Variants in GPS2 observed in about 807,000 individuals in gnomAD.
GPS2 encodes the protein GPS-2.
GPS2 carries 22 observed loss-of-function variants against 48.1 expected under a neutral mutation model. The observed-to-expected ratio is 0.46, with a 90% confidence interval of 0.33 to 0.65. The LOEUF (loss-of-function observed/expected upper bound fraction) is 0.65. Among genes scored for constraint, GPS2 ranks in the 30% least tolerant of loss-of-function variants. GPS2 has a pLI of 0.03. For missense variants in GPS2, 366 were observed against 406.8 expected (o/e 0.90, Z 0.86); for synonymous variants, 202 against 142.5 (o/e 1.42, Z -2.98).
rs754102368 is a variant in GPS2, at chr17:7,314,051, T to C, written c.397+29A>G. On this transcript the variant is annotated intron_variant, in intron 5 of 10. Coordinates refer to ENST00000380728, the MANE Select transcript of GPS2 (RefSeq NM_004489.5). ...AGGCTGTGACCTCCAAGAAGGCCGG[T>C]TCCATCTGGTGGTTTCTTTAGTCCT... 4 of 1,611,128 alleles carry C rather than the reference T, an allele frequency of 2.5e-6. No individual in the cohort carries two copies. In the South Asian group the frequency reaches 3.3e-5, roughly 13 times the overall value.
In GPS2 at chr17:7,314,972, C is replaced by T; in HGVS notation, c.81G>A (p.Glu27=). ...GCCCCGGCTCACCCTGCCGCTTGCGCTCCCGCTCCATCATAATGTGCCGGT... is the reference window on the plus strand; with the variant it reads ...GCCCCGGCTCACCCTGCCGCTTGCGTTCCCGCTCCATCATAATGTGCCGGT... ...ALHRHIMMER[E]RKRQEEEEVD... Residue 27 remains glutamate, a synonymous_variant, in exon 2 of 11, where the codon GAG becomes GAA. Transcript: ENST00000380728. 1 of 1,590,900 alleles carries T rather than the reference C, an allele frequency of 6.3e-7. No homozygotes were observed. Among genetic ancestry groups the T allele is most frequent in the Non-Finnish European group, 8.6e-7 (1 of 1,169,402 alleles).
At chr17:7,315,144 G>A (rs1465362825) in intron 1 of GPS2, 25 bp from the exon 2 acceptor site, 6 of 956,994 alleles carry the variant, frequency 6.3e-6, no homozygotes, top group Admixed American at 3.9e-5. Flanking sequence ...GCGCTCAGAG[G>A]GGGCCGCGCC....
In GPS2 at chr17:7,313,230, C is replaced by T; in HGVS notation, c.786G>A (p.Gln262=). The change falls in exon 9 of 11, where the codon CAG becomes CAA. Residue 262 remains glutamine (Q), a synonymous_variant. Transcript: ENST00000380728. ...TACTCACTGAGTCGGAGAAGCCAGT[C>T]TGCTGGTTAGCATGTTCCATCTGCT... ...LQKQMEHANQ[Q]TGFSDSSSLR... is the part of the protein sequence containing the mutation. 6.2e-7 allele frequency: 1 copy of T among 1,614,194 alleles called. No individual in the cohort carries two copies. The highest frequency in any genetic ancestry group is 1.1e-5 in the South Asian group (1 of 91,082).
In GPS2 at chr17:7,313,583, T is replaced by C; in HGVS notation, c.619A>G (p.Ser207Gly). 1 of 1,614,008 alleles carries C rather than the reference T, an allele frequency of 6.2e-7. No individual in the cohort carries two copies. Among genetic ancestry groups the C allele is most frequent in the Non-Finnish European group, 8.5e-7 (1 of 1,179,962 alleles). Residue 207 changes from serine to glycine, a missense_variant, in exon 7 of 11, where the codon AGT (serine) becomes GGT (glycine). Around this residue, in one of 3 missense-constraint regions of GPS2, gnomAD observed 275 missense variants for 282.3 expected, o/e 0.97. Transcript: ENST00000380728. ...YGPTQPAYSP[S>G]QQLRAPSAFP... ...TATTACTCACCTCTGAGCTGCTGAC[T>C]AGGACTATAAGCTGGCTGTGTGGGC...
chr17:7,313,878 G>C, intron 6 of GPS2, 28 bp downstream of exon 6: 2 of 1,599,206 alleles, frequency 1.3e-6, no homozygotes, highest in Non-Finnish European at 1.7e-6. Context: ...GGAAGTACTA[G>C]GGGCTAGGCA....
rs1164536746 is a variant in GPS2 at position 7,314,524 on chromosome 17, C to T, written c.168G>A (p.Met56Ile). 8.7e-6 allele frequency: 14 copies of T among 1,614,088 alleles called. No individual in the cohort carries two copies. Among genetic ancestry groups the T allele is most frequent in the African/African-American group, 2.7e-5 (2 of 75,032 alleles). ...EEQERRKKKE[M>I]EERMSLEETK... ...TCTCCTCTAATGACATTCTCTCTTC[C>T]ATCTCCTTTTTCTTCCTTCTCTCCT... The change falls in exon 3 of 11, where the codon ATG (methionine) becomes ATA (isoleucine). Residue 56 changes from methionine to isoleucine, a missense_variant. Physicochemically the swap from Met to Ile is conservative, Grantham distance 10. Transcript: ENST00000380728.
chr17:7,314,750 A>C (rs1567616402), intron 2 of GPS2, 153 bp from the exon 3 acceptor site: 1 of 1,465,346 alleles, frequency 6.8e-7, no homozygotes, highest in Middle Eastern at 1.9e-4. Flanking sequence ...AGGGAACGGA[A>C]AGGCTTTATC....
In GPS2 at chr17:7,312,686, T is replaced by TG; in HGVS notation, c.*69dup. The TG allele has an allele frequency of 8.1e-7, 1 of 1,231,344 alleles. No individual in the cohort carries two copies. The highest frequency in any genetic ancestry group is 1.2e-6 in the Non-Finnish European group (1 of 832,324). The allele number at this position is 1,231,344 out of a possible 1,614,324, so 76.3% of individuals were successfully genotyped here. The stretch of plus-strand genomic sequence containing the variant: ...CAGTGGCAGGTAGATTTTATTGGCC[T>TG]GGGACACACAGGGGATACCCTCACC... On this transcript the variant is annotated 3_prime_UTR_variant, in exon 11 of 11. Transcript: ENST00000380728.
rs2072885043 is a variant in GPS2 at position 7,313,130 on chromosome 17, G to A, written c.805-6C>T. 1 of 1,606,706 alleles carries A rather than the reference G, an allele frequency of 6.2e-7. No individual in the cohort carries two copies. Among genetic ancestry groups the A allele is most frequent in the Non-Finnish European group, 8.5e-7 (1 of 1,174,414 alleles). On this transcript the variant is annotated splice_polypyrimidine_tract_variant and splice_region_variant and intron_variant, in intron 9 of 10. Transcript: ENST00000380728. ...TGCATGGGGCGCAGAGAGGACTGCA[G>A]AGAACAGAGTCAGGGCCTGAGGCAT...
In GPS2 at chr17:7,314,063, GT is replaced by G. The variant is rs1233623795; in HGVS notation, c.397+16del. 2.5e-6 allele frequency: 4 copies of G among 1,612,774 alleles called. No homozygotes were observed. Among genetic ancestry groups the G allele is most frequent in the South Asian group, 1.1e-5 (1 of 91,046 alleles). ...CCAAGAAGGCCGGTTCCATCTGGTG[GT>G]TTCTTTAGTCCTCACCCTGCATGCT... is the stretch of plus-strand genomic sequence containing the variant. On this transcript the variant is annotated intron_variant, in intron 5 of 10. Coordinates refer to ENST00000380728, the MANE Select transcript of GPS2 (RefSeq NM_004489.5).
chr17:7,314,081 C>A lies in GPS2; in HGVS notation c.396G>T (p.Gln132His). The A allele has an allele frequency of 4.3e-6, 7 of 1,612,676 alleles. No homozygotes were observed. The highest frequency in any genetic ancestry group is 5.9e-6 in the Non-Finnish European group (7 of 1,178,638). The change falls in exon 5 of 11, where the codon CAG (glutamine) becomes CAT (histidine). Residue 132 changes from glutamine to histidine, a missense_variant and splice_region_variant. Gln to His is a conservative substitution (Grantham distance 24). Around this residue, in one of 3 missense-constraint regions of GPS2, gnomAD observed 275 missense variants for 282.3 expected, o/e 0.97. Coordinates refer to ENST00000380728, the MANE Select transcript of GPS2 (RefSeq NM_004489.5). The stretch of plus-strand genomic sequence containing the variant: ...TCTGGTGGTTTCTTTAGTCCTCACC[C>A]TGCATGCTGAGGAGATGAGTTCCTG... The part of the protein sequence containing the change: ...VHTGTHLLSM[Q>H]GSPGGHNRPG...
At position 7,312,699 on chromosome 17, in the gene GPS2, G is replaced by A. The variant is rs1341362627; in HGVS notation, c.*57C>T. ...ATTTTATTGGCCTGGGACACACAGG[G>A]GATACCCTCACCCACGATGGGGTGG... On this transcript the variant is annotated 3_prime_UTR_variant, in exon 11 of 11. Transcript: ENST00000380728. The A allele has an allele frequency of 3.0e-6, 4 of 1,344,388 alleles. No homozygotes were observed. Among genetic ancestry groups the A allele is most frequent in the Non-Finnish European group, 3.2e-6 (3 of 934,382 alleles). 83.3% of individuals were successfully genotyped at this position (1,344,388 alleles called of 1,614,324 possible).
chr17:7,315,087 G>A lies in GPS2; in HGVS notation c.-35C>T, dbSNP rs2072920321. 5.9e-6 allele frequency: 9 copies of A among 1,515,616 alleles called. No homozygotes were observed. Among genetic ancestry groups the A allele is most frequent in the East Asian group, 2.5e-5 (1 of 39,472 alleles). The allele number at this position is 1,515,616 out of a possible 1,614,324, so 93.9% of individuals were successfully genotyped here. ...GTGGGCGCTCGGGCCGTGGGCGCCC[G>A]GCTGTCTCTGACTGCCAGACCTCAG... is the stretch of plus-strand genomic sequence containing the variant. On this transcript the variant is annotated 5_prime_UTR_variant, in exon 2 of 11. Coordinates refer to ENST00000380728, the MANE Select transcript of GPS2 (RefSeq NM_004489.5).
chr17:7,314,067 C>T lies in GPS2; in HGVS notation c.397+13G>A. On this transcript the variant is annotated intron_variant, in intron 5 of 10. Coordinates refer to ENST00000380728, the MANE Select transcript of GPS2 (RefSeq NM_004489.5). Reference sequence around the variant, plus strand: ...GAAGGCCGGTTCCATCTGGTGGTTTCTTTAGTCCTCACCCTGCATGCTGAG... The same window carrying T: ...GAAGGCCGGTTCCATCTGGTGGTTTTTTTAGTCCTCACCCTGCATGCTGAG... 1.2e-6 allele frequency: 2 copies of T among 1,613,408 alleles called. No individual in the cohort carries two copies. Among genetic ancestry groups the T allele is most frequent in the Non-Finnish European group, 1.7e-6 (2 of 1,179,416 alleles).
In GPS2 at chr17:7,312,837, C is replaced by T. The variant is rs530877542; in HGVS notation, c.903G>A (p.Ser301=). The change falls in exon 11 of 11, where the codon TCG becomes TCA. Residue 301 remains serine, a splice_region_variant and synonymous_variant. Coordinates refer to ENST00000380728, the MANE Select transcript of GPS2 (RefSeq NM_004489.5). ...CAGGTTGGCTGGTAGCTGCAAAGCC[C>T]GACTGGTGGTGGTGATGAAAAGAGG... ...LPVQMQPAGK[S]GFAATSQPGP... is the part of the protein sequence containing the mutation. 1.3e-5 allele frequency: 21 copies of T among 1,613,598 alleles called. No individual in the cohort carries two copies. The highest frequency in any genetic ancestry group is 1.5e-5 in the Non-Finnish European group (18 of 1,179,642).
Position 7,313,296 on chromosome 17 carries a change from G to C in GPS2, c.725-5C>G. 1 of 1,613,674 alleles carries C rather than the reference G, an allele frequency of 6.2e-7. No homozygotes were observed. Among genetic ancestry groups the C allele is most frequent in the Non-Finnish European group, 8.5e-7 (1 of 1,179,660 alleles). ...CACCACCAGGCTGGAGGAAACCTAG[G>C]TGGGGAAGAGGGGCATGTGAGATGA... On this transcript the variant is annotated splice_polypyrimidine_tract_variant and splice_region_variant and intron_variant, in intron 8 of 10. Coordinates refer to ENST00000380728, the MANE Select transcript of GPS2 (RefSeq NM_004489.5).
In GPS2 at chr17:7,314,411, G is replaced by A. The variant is rs145613623; in HGVS notation, c.205-8C>T. ...CTCCTCCAACTTCAGAATCTGGGAT[G>A]GGGTGGGAAAAGAAGATGAAGGCAG... On this transcript the variant is annotated splice_region_variant and splice_polypyrimidine_tract_variant and intron_variant, in intron 3 of 10. Transcript: ENST00000380728. 5.0e-6 allele frequency: 8 copies of A among 1,614,118 alleles called. No homozygotes were observed. In the East Asian group the frequency reaches 1.8e-4, roughly 36 times the overall value.
chr17:7,314,629 G>C (rs766121712), intron 2 of GPS2, 32 bp from the exon 3 acceptor site: 8 of 1,613,528 alleles, frequency 5.0e-6, no homozygotes, highest in Non-Finnish European at 6.8e-6. Context: ...AGAAGAGGCA[G>C]GGTAGTGAAA....
chr17:7,314,714 G>A (rs1338808897), intron 2 of GPS2, 117 bp from the exon 3 acceptor site: 2 of 1,562,258 alleles, frequency 1.3e-6, no homozygotes, highest in Non-Finnish European at 1.7e-6. Flanking sequence ...TTTGCCTCGA[G>A]GGGACAAGCT....
Sources: gnomAD v4.1 joint callset for allele counts on GRCh38, gnomAD v4.1.1 for gene constraint, gnomAD v4.1.1 regional missense constraint, MANE v1.5 for transcripts, NCBI Gene and HGNC (gene_info 2026-07-23, HGNC 2026-07-21) for gene names.